Variants in DIAPH3 observed in about 807,000 individuals in gnomAD.
The protein encoded by DIAPH3 is protein diaphanous homolog 3.
A neutral mutation model predicts 144.3 loss-of-function variants in DIAPH3; 117 were observed. The observed-to-expected ratio is 0.81, with a 90% CI of 0.70 to 0.95. The LOEUF is 0.95. Ranked by LOEUF, DIAPH3 falls within the 40% of genes least tolerant of loss-of-function variation. DIAPH3 has a pLI of 0.00. For missense variants in DIAPH3, 1,421 were observed against 1,412.7 expected, an observed-to-expected ratio of 1.01 and a Z score of -0.09; for synonymous variants, 519 against 488.9, an observed-to-expected ratio of 1.06 and a Z score of -0.81.
intron 27 of DIAPH3, 125 bp downstream of exon 27, chr13:59,774,064 G>A: frequency 2.1e-6 from 2 of 943,860 alleles, no homozygotes; most frequent in Non-Finnish European, 3.3e-6. Context: ...ATATGTACAT[G>A]CACACATTTT....
chr13:60,113,322 G>T lies in DIAPH3; in HGVS notation c.214-1136C>A, dbSNP rs980504454. 7.2e-5 allele frequency among the ~76,000 whole-genome samples: 11 copies of T among 152,210 alleles called. No homozygotes were observed. The East Asian group carries it at 1.2e-3, about 16-fold the overall frequency. On this transcript the variant is annotated intron_variant, in intron 2 of 27. Transcript: ENST00000400324. ...CAGAGCTGGTATAGCCATTAAAAAC[G>T]TCTGATACCTCAAAGGTTCAATTCA...
intron 24 of DIAPH3, among the ~76,000 whole-genome samples, chr13:59,814,852 G>A (rs2040680541): frequency 6.6e-6 from 1 of 152,162 alleles, no homozygotes; most frequent in Non-Finnish European, 1.5e-5. Context: ...TACCCTCCAA[G>A]TGGAATGATA....
At chr13:59,794,109 G>A (rs11148478) in intron 25 of DIAPH3, among the ~76,000 whole-genome samples, 11,267 of 152,234 alleles carry the variant, frequency 0.074, 548 homozygotes, top group South Asian at 0.18. Flanking sequence ...ATTTTGCCCA[G>A]CTGTAGGCTA....
At chr13:59,877,537 T>C (rs938742918) in intron 21 of DIAPH3, among the ~76,000 whole-genome samples, 1 of 152,188 alleles carries the variant, frequency 6.6e-6, no homozygotes, top group African/African-American at 2.4e-5. Flanking sequence ...ACTATGTTTT[T>C]AATTTTATTT....
intron 17 of DIAPH3, among the ~76,000 whole-genome samples, chr13:59,946,818 T>C (rs2048822357): frequency 6.6e-6 from 1 of 152,086 alleles, no homozygotes; most frequent in South Asian, 2.1e-4. Flanking sequence ...TAAAATGTAA[T>C]ACAAAAATGA....
intron 1 of DIAPH3, among the ~76,000 whole-genome samples, chr13:60,138,351 C>A (rs901793307): frequency 2.0e-5 from 3 of 152,184 alleles, no homozygotes; most frequent in African/African-American, 7.2e-5. Context: ...CCACTATCAG[C>A]CATTAAACAT....
chr13:60,134,263 G>A (rs2059213161), intron 1 of DIAPH3, among the ~76,000 whole-genome samples: 1 of 152,146 alleles, frequency 6.6e-6, no homozygotes, highest in Non-Finnish European at 1.5e-5. Context: ...CTTTGACTTG[G>A]GAATAAGGAA....
intron 5 of DIAPH3, among the ~76,000 whole-genome samples, chr13:60,019,553 G>C (rs2053868023): frequency 6.6e-6 from 1 of 151,592 alleles, no homozygotes; most frequent in Non-Finnish European, 1.5e-5. Context: ...TTCCTAGTAG[G>C]GGTCTCAATA....
intron 5 of DIAPH3, among the ~76,000 whole-genome samples, chr13:60,028,916 A>G (rs1389251998): frequency 1.3e-5 from 2 of 151,984 alleles, no homozygotes; most frequent in East Asian, 1.9e-4. Flanking sequence ...AAAATTAGCC[A>G]GGTGTGGTGG....
chr13:59,991,368 G>A, intron 11 of DIAPH3, 94 bp from the exon 12 acceptor site: 2 of 846,200 alleles, frequency 2.4e-6, no homozygotes, highest in Non-Finnish European at 4.0e-6. Context: ...TTTTGGAACT[G>A]TAATACAGGC....
intron 4 of DIAPH3, among the ~76,000 whole-genome samples, chr13:60,049,722 T>C (rs1219344743): frequency 2.0e-5 from 3 of 152,246 alleles, no homozygotes; most frequent in African/African-American, 7.2e-5. Context: ...ACTGTTTACA[T>C]GATGCAGACA....
intron 17 of DIAPH3, among the ~76,000 whole-genome samples, chr13:59,930,237 T>C (rs1177143776): frequency 6.6e-6 from 1 of 152,176 alleles, no homozygotes; most frequent in African/African-American, 2.4e-5. Flanking sequence ...AGAGACTGTG[T>C]TAGGCAACAA....
chr13:59,970,286 G>C (rs776256363), intron 16 of DIAPH3, among the ~76,000 whole-genome samples: 4 of 152,140 alleles, frequency 2.6e-5, no homozygotes, highest in Non-Finnish European at 4.4e-5. Flanking sequence ...TTTGAAATAC[G>C]ATTTAATTAG....
chr13:59,876,607 T>C (rs1311764186), intron 21 of DIAPH3, among the ~76,000 whole-genome samples: 1 of 152,206 alleles, frequency 6.6e-6, no homozygotes, highest in Non-Finnish European at 1.5e-5. Context: ...TCAACAGCTA[T>C]TTATTGAGTA....
At chr13:60,142,681 A>C (rs1326862386) in intron 1 of DIAPH3, among the ~76,000 whole-genome samples, 1 of 151,596 alleles carries the variant, frequency 6.6e-6, no homozygotes, top group Non-Finnish European at 1.5e-5. Context: ...ACCATCAGGG[A>C]CTCTTTCCCT....
At chr13:59,915,773 C>A (rs766206597) in intron 19 of DIAPH3, among the ~76,000 whole-genome samples, 1 of 151,878 alleles carries the variant, frequency 6.6e-6, no homozygotes, top group Non-Finnish European at 1.5e-5. Context: ...TTGAAAACTC[C>A]CTCAATCTTC....
intron 27 of DIAPH3, among the ~76,000 whole-genome samples, chr13:59,756,753 G>A (rs1273417640): frequency 2.6e-5 from 4 of 152,074 alleles, no homozygotes; most frequent in Non-Finnish European, 2.9e-5. Flanking sequence ...CTTGCCACTG[G>A]GATTTAGGTC....
At chr13:59,679,259 G>A (rs977900317) in intron 27 of DIAPH3, among the ~76,000 whole-genome samples, 4 of 152,138 alleles carry the variant, frequency 2.6e-5, no homozygotes, top group African/African-American at 9.7e-5. Flanking sequence ...GCTGCACTGA[G>A]GTCTCTGTAA....
chr13:59,897,354 C>G (rs1393296381), intron 20 of DIAPH3, among the ~76,000 whole-genome samples: 1 of 152,152 alleles, frequency 6.6e-6, no homozygotes, highest in Non-Finnish European at 1.5e-5. Context: ...AATAACTCTA[C>G]GACAGTGATG....
Sources: gnomAD v4.1 joint callset for allele counts (sites outside exome capture counted in the v4.1 genomes callset) on GRCh38, gnomAD v4.1.1 for gene constraint, MANE v1.5 for transcripts, NCBI Gene and HGNC (gene_info 2026-07-23, HGNC 2026-07-21) for gene names.